The following MBNL3 variants were observed in gnomAD, a reference collection of about 807,000 sequenced individuals.
The protein encoded by MBNL3 is muscleblind-like protein 3.
Under a neutral mutation model 24.5 loss-of-function variants are expected in MBNL3, and 6 were observed. That is an observed-to-expected ratio of 0.25 (90% CI 0.13 to 0.48). The LOEUF (loss-of-function observed/expected upper bound fraction) is 0.48, where lower values mean the gene tolerates loss of function less well. Ranked by LOEUF, MBNL3 falls within the 20% of genes least tolerant of loss-of-function variation. The pLI is 0.99. For synonymous variants in MBNL3, 100 were observed against 101.7 expected (o/e 0.98, Z 0.10); for missense variants, 230 against 293.5 (o/e 0.78, Z 1.58).
chrX:132,422,127 A>ATGTGTG (rs113734916), intron 2 of MBNL3, among the ~76,000 whole-genome samples: 4 of 101,970 alleles, frequency 3.9e-5, no homozygotes, highest in African/African-American at 1.4e-4. Flanking sequence ...TGAATATACT[A>ATGTGTG]TGTGTGTGTG....
At chrX:132,395,429 CTT>C (rs1937966050) in intron 3 of MBNL3, among the ~76,000 whole-genome samples, 1 of 111,939 alleles carries the variant, frequency 8.9e-6, no homozygotes, top group Non-Finnish European at 1.9e-5. Flanking sequence ...GGTCTGAACA[CTT>C]AAATGTTTCA....
intron 1 of MBNL3, among the ~76,000 whole-genome samples, chrX:132,446,328 G>C (rs1004006199): frequency 1.8e-5 from 2 of 111,731 alleles, no homozygotes; most frequent in African/African-American, 6.5e-5. Context: ...GGATTGCTGG[G>C]TCAAATGGTA....
chrX:132,450,883 AT>A (rs761131663), intron 1 of MBNL3, among the ~76,000 whole-genome samples: 12 of 111,542 alleles, frequency 1.1e-4, no homozygotes, highest in Middle Eastern at 4.7e-3. Flanking sequence ...TGTTGATGCT[AT>A]TTTTTTCTGT....
Position 132,384,676 on chromosome X carries a change from G to A in MBNL3, c.945C>T (p.Pro315=), listed in dbSNP as rs758772819. The change falls in exon 7 of 9, where the codon CCC becomes CCT. Residue 315 remains proline, a synonymous_variant. Transcript: ENST00000370853. ...TAGAAAACCTACCAATATTTGAAGC[G>A]GGTGCCATGCACAGTATTGGCCCTG... ...IPAGPILCMA[P]ASNIVPMMHG... is the part of the protein sequence containing the mutation. 1.2e-5 allele frequency: 14 copies of A among 1,195,671 alleles called. No homozygotes were observed. Among genetic ancestry groups the A allele is most frequent in the Middle Eastern group, 2.6e-4 (1 of 3,897 alleles).
rs199886820 is a variant in MBNL3 at position 132,451,065 on chromosome X, C to CAGA, written c.-703-10754_-703-10752dup. Among the ~76,000 whole-genome samples, 898 of 111,960 alleles carry CAGA rather than the reference C, an allele frequency of 8.0e-3. 4 individuals carry two copies. Among genetic ancestry groups the CAGA allele is most frequent in the African/African-American group, 0.028 (848 of 30,811 alleles). On this transcript the variant is annotated intron_variant, in intron 1 of 8. Coordinates refer to ENST00000370853, the MANE Select transcript of MBNL3 (RefSeq NM_001386889.1). The stretch of plus-strand genomic sequence containing the variant: ...AGCTTTGTCCCGGAGTGACACCCAC[C>CAGA]AGATGCCAGCCAGAGCTCTCTTGTA...
intron 1 of MBNL3, among the ~76,000 whole-genome samples, chrX:132,483,158 G>C (rs1416834534): frequency 1.8e-5 from 2 of 111,785 alleles, no homozygotes; most frequent in Admixed American, 9.4e-5. Flanking sequence ...GGATCCTCAT[G>C]GATCACAGAC....
intron 3 of MBNL3, among the ~76,000 whole-genome samples, chrX:132,392,985 G>T (rs1937427999): frequency 9.0e-6 from 1 of 111,212 alleles, no homozygotes; most frequent in Admixed American, 9.6e-5. Context: ...CAGAGGTCCT[G>T]TTTTTTAAAT....
At chrX:132,396,315 AATATATATTC>A (rs1273901593) in intron 3 of MBNL3, among the ~76,000 whole-genome samples, 35 of 82,587 alleles carry the variant, frequency 4.2e-4, no homozygotes, top group Non-Finnish European at 5.9e-4. Context: ...TAAAGCACCA[AATATATATTC>A]ATATATATTC....
chrX:132,452,025 T>C (rs1022355113), intron 1 of MBNL3, among the ~76,000 whole-genome samples: 4 of 111,155 alleles, frequency 3.6e-5, no homozygotes, highest in African/African-American at 1.3e-4. Flanking sequence ...CCCAGTGAGA[T>C]GAGCTGGGTA....
chrX:132,457,151 A>G (rs962589111), intron 1 of MBNL3, among the ~76,000 whole-genome samples: 1 of 111,802 alleles, frequency 8.9e-6, no homozygotes, highest in Admixed American at 9.6e-5. Context: ...TAACTTGTAA[A>G]TTTACTATAT....
In MBNL3 at chrX:132,406,434, C is replaced by T. The variant is rs368988485; in HGVS notation, c.178-42G>A. On this transcript the variant is annotated intron_variant, in intron 2 of 8. Coordinates refer to ENST00000370853, the MANE Select transcript of MBNL3 (RefSeq NM_001386889.1). ...GGGAAAATATTAAATTAAAACTATA[C>T]ACAAATAGATAAATTTTGGACTCCA... 1.3e-5 allele frequency: 14 copies of T among 1,102,743 alleles called. No individual in the cohort carries two copies. In the African/African-American group the frequency reaches 2.3e-4, roughly 18 times the overall value. 90.9% of individuals were successfully genotyped at this position (1,102,743 alleles called of 1,213,427 possible). A position where few individuals can be genotyped will look rare whatever the true frequency, so the allele number is the denominator to read the frequency against.
At chrX:132,425,015 A>T (rs1467447191) in intron 2 of MBNL3, among the ~76,000 whole-genome samples, 1 of 112,332 alleles carries the variant, frequency 8.9e-6, no homozygotes, top group African/African-American at 3.2e-5. Context: ...TCAGTTGCCT[A>T]TTAAAATATG....
intron 1 of MBNL3, among the ~76,000 whole-genome samples, chrX:132,449,863 C>G (rs1483805809): frequency 9.2e-6 from 1 of 109,119 alleles, no homozygotes; most frequent in Non-Finnish European, 1.9e-5. Flanking sequence ...GACAAAATCT[C>G]TCAGCATTTG....
At chrX:132,464,723 A>T (rs1007816491) in intron 1 of MBNL3, among the ~76,000 whole-genome samples, 3 of 112,000 alleles carry the variant, frequency 2.7e-5, no homozygotes, top group African/African-American at 9.7e-5. Context: ...TTATATGCTA[A>T]GGAGAGGTAA....
At chrX:132,459,598 C>A (rs1313613664) in intron 1 of MBNL3, among the ~76,000 whole-genome samples, 1 of 112,111 alleles carries the variant, frequency 8.9e-6, no homozygotes, top group African/African-American at 3.2e-5. Context: ...CCCTTCAGAG[C>A]AGAACCTAGC....
chrX:132,375,314 G>T lies in MBNL3; in HGVS notation c.*4352C>A, dbSNP rs1339136149. ...ATAAAGTTAAATTTGTTCTTAAATT[G>T]TGAACTGTAAAGGATAGTTTTGGAC... is the stretch of plus-strand genomic sequence containing the variant. On this transcript the variant is annotated 3_prime_UTR_variant, in exon 9 of 9. Coordinates refer to ENST00000370853, the MANE Select transcript of MBNL3 (RefSeq NM_001386889.1). 2 of 111,318 alleles carry T rather than the reference G, an allele frequency of 1.8e-5. No homozygotes were observed. The highest frequency in any genetic ancestry group is 6.5e-5 in the African/African-American group (2 of 30,695). The allele number at this position is 111,318 out of a possible 1,213,427, so 9.2% of individuals were successfully genotyped here. A position where few individuals can be genotyped will look rare whatever the true frequency, so the allele number is the denominator to read the frequency against.
At chrX:132,406,597 C>T (rs1334971157) in intron 2 of MBNL3, among the ~76,000 whole-genome samples, 1 of 111,394 alleles carries the variant, frequency 9.0e-6, no homozygotes, top group Non-Finnish European at 1.9e-5. Context: ...CTTTAGGTTC[C>T]GGAGACAATG....
At chrX:132,382,303 CG>C in intron 7 of MBNL3, 31 bp from the exon 8 acceptor site, 1 of 1,104,787 alleles carries the variant, frequency 9.1e-7, no homozygotes, top group Non-Finnish European at 1.2e-6. Context: ...AAGCAACACA[CG>C]GGAGGGTAGA....
At chrX:132,406,821 C>T (rs1456583566) in intron 2 of MBNL3, among the ~76,000 whole-genome samples, 2 of 112,136 alleles carry the variant, frequency 1.8e-5, no homozygotes. Flanking sequence ...TTGTTGGTCA[C>T]ATTGTCACAA....
Sources: gnomAD v4.1 joint callset for allele counts (sites outside exome capture counted in the v4.1 genomes callset) on GRCh38, gnomAD v4.1.1 for gene constraint, MANE v1.5 for transcripts, NCBI Gene and HGNC (gene_info 2026-07-23, HGNC 2026-07-21) for gene names.